Variants in PPP2R2B observed in about 807,000 individuals in gnomAD.
PPP2R2B encodes the protein protein phosphatase 2 regulatory subunit Bbeta.
A neutral mutation model predicts 46.0 loss-of-function variants in PPP2R2B; 5 were observed. The observed-to-expected ratio is 0.11, with a 90% CI of 0.06 to 0.23. PPP2R2B has a LOEUF of 0.23. Among genes scored for constraint, PPP2R2B ranks in the 10% least tolerant of loss-of-function variants. The pLI, the probability that PPP2R2B is intolerant of heterozygous loss-of-function variation, is 1.00. For synonymous variants in PPP2R2B, 215 were observed against 206.7 expected (o/e 1.04, Z -0.34); for missense variants, 367 against 575.0 (o/e 0.64, Z 3.70).
chr5:146,871,554 C>G (rs1354764817), intron 2 of PPP2R2B, among the ~76,000 whole-genome samples: 1 of 152,192 alleles, frequency 6.6e-6, no homozygotes, highest in African/African-American at 2.4e-5. Context: ...GCTAAGAATT[C>G]TGTTACTGGG....
chr5:146,928,135 C>A lies in PPP2R2B; in HGVS notation c.79+127530G>T, dbSNP rs892906499. ...GGCTTGGGGTTGGTTTCCTGAGGAA[C>A]ATGTCTTTTTTTACTTGTGCCTCAA... is the stretch of plus-strand genomic sequence containing the variant. On this transcript the variant is annotated intron_variant, in intron 1 of 8. Coordinates refer to the PPP2R2B transcript ENST00000336640. Among the ~76,000 whole-genome samples, 8 of 152,252 alleles carry A rather than the reference C, an allele frequency of 5.3e-5. No homozygotes were observed. The South Asian group carries it at 1.4e-3, about 28-fold the overall frequency.
chr5:147,045,514 G>A (rs187165971), intron 1 of PPP2R2B, among the ~76,000 whole-genome samples: 28 of 152,178 alleles, frequency 1.8e-4, no homozygotes, highest in Admixed American at 1.4e-3. Context: ...TGATGAAAGT[G>A]CCTAACATGC....
At chr5:146,592,283 A>G (rs1770737618) in intron 9 of PPP2R2B, 1 of 251,222 alleles carries the variant, frequency 4.0e-6, no homozygotes, top group South Asian at 3.9e-5. Flanking sequence ...TATTCACTGA[A>G]AGCTTGAATC....
chr5:146,895,792 G>A (rs1762626579), intron 1 of PPP2R2B, among the ~76,000 whole-genome samples: 1 of 152,006 alleles, frequency 6.6e-6, no homozygotes, highest in African/African-American at 2.4e-5. Flanking sequence ...CTAGCTCCTG[G>A]ACTCCACCTC....
chr5:146,946,107 T>G, intron 1 of PPP2R2B, among the ~76,000 whole-genome samples: 1 of 152,172 alleles, frequency 6.6e-6, no homozygotes, highest in Non-Finnish European at 1.5e-5. Context: ...TAAAATCTCT[T>G]TATCCCTGTG....
intron 1 of PPP2R2B, among the ~76,000 whole-genome samples, chr5:146,907,050 G>T (rs189917221): frequency 6.9e-4 from 105 of 152,272 alleles, no homozygotes; most frequent in Middle Eastern, 6.8e-3. Context: ...AGGCTCCTTG[G>T]CTGATTGTGG....
At chr5:146,641,878 C>G (rs1354445724) in intron 6 of PPP2R2B, among the ~76,000 whole-genome samples, 1 of 152,144 alleles carries the variant, frequency 6.6e-6, no homozygotes, top group East Asian at 1.9e-4. Context: ...TTAGAGCTCT[C>G]TATCCAAATT....
intron 2 of PPP2R2B, among the ~76,000 whole-genome samples, chr5:146,714,418 G>C (rs1473805411): frequency 2.6e-5 from 4 of 152,038 alleles, no homozygotes; most frequent in Non-Finnish European, 5.9e-5. Context: ...GTGAAAGATG[G>C]TAAGGAAAGT....
chr5:146,761,630 T>TA lies in PPP2R2B; in HGVS notation c.71-60489dup, dbSNP rs983952873. Among the ~76,000 whole-genome samples the TA allele has an allele frequency of 2.7e-3, 383 of 144,172 alleles. 3 individuals are homozygous for TA. The highest frequency in any genetic ancestry group is 4.5e-3 in the African/African-American group (176 of 39,364). 94.6% of individuals were successfully genotyped at this position (144,172 alleles called of 152,430 possible). On this transcript the variant is annotated intron_variant, in intron 2 of 9. Transcript: ENST00000394411. Reference sequence around the variant, plus strand: ...CTTAAAGTATAGTAATAATAAAATTTAAAAAAAAAAAAGAAAATATTTGAG... The same window carrying TA: ...CTTAAAGTATAGTAATAATAAAATTTAAAAAAAAAAAAAGAAAATATTTGAG...
intron 2 of PPP2R2B, among the ~76,000 whole-genome samples, chr5:146,735,747 A>G (rs907998155): frequency 1.3e-5 from 2 of 152,158 alleles, no homozygotes; most frequent in African/African-American, 4.8e-5. Flanking sequence ...AGTAGCTGTG[A>G]CTGTTCTTAC....
At chr5:146,925,756 G>A (rs1052473315) in intron 1 of PPP2R2B, among the ~76,000 whole-genome samples, 4 of 152,070 alleles carry the variant, frequency 2.6e-5, no homozygotes, top group Admixed American at 6.6e-5. Context: ...CTCTCCTTCC[G>A]ACATTCCCCT....
upstream of PPP2R2B, among the ~76,000 whole-genome samples, chr5:147,060,631 TA>T (rs1163385571): frequency 2.6e-5 from 4 of 151,716 alleles, no homozygotes; most frequent in Non-Finnish European, 4.4e-5. Flanking sequence ...GAGTCTGTCT[TA>T]AAAAAAAGAA....
chr5:147,002,353 C>T (rs1316236608), intron 1 of PPP2R2B, among the ~76,000 whole-genome samples: 1 of 152,150 alleles, frequency 6.6e-6, no homozygotes, highest in Non-Finnish European at 1.5e-5. Context: ...GAAATTGTAT[C>T]CTTCTGTTCA....
At chr5:146,931,674 C>A (rs1763974229) in intron 1 of PPP2R2B, among the ~76,000 whole-genome samples, 1 of 152,020 alleles carries the variant, frequency 6.6e-6, no homozygotes, top group African/African-American at 2.4e-5. Flanking sequence ...TGGGAAAAAC[C>A]TGGGGATAAG....
At position 147,031,032 on chromosome 5, in the gene PPP2R2B, C is replaced by T. The variant is rs575770384; in HGVS notation, c.79+24633G>A. Among the ~76,000 whole-genome samples, 10 of 152,144 alleles carry T rather than the reference C, an allele frequency of 6.6e-5. 1 individual carries two copies. The East Asian group carries it at 1.6e-3, about 24-fold the overall frequency. The stretch of plus-strand genomic sequence containing the variant: ...CGGGCGGATCACGAGGTCAGGAGAT[C>T]GAGACCATCCTGACTAACACGGTAA... On this transcript the variant is annotated intron_variant, in intron 1 of 8. Transcript: ENST00000336640.
At chr5:146,905,872 C>T (rs895250836) in intron 1 of PPP2R2B, among the ~76,000 whole-genome samples, 2 of 152,044 alleles carry the variant, frequency 1.3e-5, no homozygotes, top group Non-Finnish European at 2.9e-5. Flanking sequence ...TAGCAGGAGT[C>T]AGCTTTTGGG....
At chr5:146,831,433 G>A (rs919300808) in intron 2 of PPP2R2B, among the ~76,000 whole-genome samples, 6 of 144,818 alleles carry the variant, frequency 4.1e-5, no homozygotes, top group Non-Finnish European at 7.5e-5. Flanking sequence ...GAAGACTGAG[G>A]TTGCAGTGAG....
At chr5:146,873,306 T>C (rs1030849170) in intron 2 of PPP2R2B, among the ~76,000 whole-genome samples, 2 of 152,160 alleles carry the variant, frequency 1.3e-5, no homozygotes, top group African/African-American at 4.8e-5. Flanking sequence ...CACCATGACC[T>C]CCTAATTATC....
chr5:146,791,550 T>C (rs1199197948), intron 2 of PPP2R2B, among the ~76,000 whole-genome samples: 1 of 152,154 alleles, frequency 6.6e-6, no homozygotes, highest in Non-Finnish European at 1.5e-5. Flanking sequence ...GTCCAGATTT[T>C]CACTGCTACA....
Sources: gnomAD v4.1 joint callset for allele counts (sites outside exome capture counted in the v4.1 genomes callset) on GRCh38, gnomAD v4.1.1 for gene constraint, MANE v1.5 for transcripts, NCBI Gene and HGNC (gene_info 2026-07-23, HGNC 2026-07-21) for gene names.